DOCK4: variants seen among roughly 807,000 people sequenced by gnomAD.
DOCK4 encodes the protein dedicator of cytokinesis protein 4.
Under a neutral mutation model 268.1 loss-of-function variants are expected in DOCK4, and 97 were observed. That is an observed-to-expected ratio of 0.36 (90% CI 0.31 to 0.43). The LOEUF (loss-of-function observed/expected upper bound fraction) is 0.43. Among genes scored for constraint, DOCK4 ranks in the 20% least tolerant of loss-of-function variants. The pLI is 1.00. For synonymous variants in DOCK4, 954 were observed against 887.2 expected (o/e 1.08, Z -1.34); for missense variants, 2,145 against 2,455.7 (o/e 0.87, Z 2.67).
Position 111,739,147 on chromosome 7 carries a change from A to C in DOCK4, c.5219T>G (p.Val1740Gly). The change falls in exon 49 of 53, where the codon GTG (valine) becomes GGG (glycine). Residue 1740 changes from valine to glycine, a missense_variant. Val to Gly is a moderately radical substitution (Grantham distance 109). Coordinates refer to ENST00000428084, the MANE Select transcript of DOCK4 (RefSeq NM_001363540.2). The stretch of plus-strand genomic sequence containing the variant: ...TACAAGGAGTACCTGCGAAGGCTCC[A>C]CAGGTGTTGGATAGATGGCACTGCA... ...RPCSAIYPTP[V>G]EPSQRMLFNH... 1 of 1,612,918 alleles carries C rather than the reference A, an allele frequency of 6.2e-7. No homozygotes were observed. Among genetic ancestry groups the C allele is most frequent in the Non-Finnish European group, 8.5e-7 (1 of 1,178,894 alleles).
chr7:111,743,743 A>G (rs1239059923), intron 44 of DOCK4, among the ~76,000 whole-genome samples: 1 of 152,224 alleles, frequency 6.6e-6, no homozygotes, highest in African/African-American at 2.4e-5. Context: ...TGACAAGAAA[A>G]GAAGTTGAGC....
chr7:111,791,729 T>C (rs982894443), intron 30 of DOCK4, among the ~76,000 whole-genome samples: 1 of 152,166 alleles, frequency 6.6e-6, no homozygotes, highest in African/African-American at 2.4e-5. Flanking sequence ...ATTACAGGCA[T>C]GAGCTATCGC....
At chr7:112,203,797 A>G (rs1057038288) in intron 1 of DOCK4, among the ~76,000 whole-genome samples, 5 of 150,620 alleles carry the variant, frequency 3.3e-5, no homozygotes, top group African/African-American at 1.2e-4. Flanking sequence ...AATAAAGTCC[A>G]CACATAAGTA....
intron 44 of DOCK4, among the ~76,000 whole-genome samples, chr7:111,744,148 G>C (rs1196215815): frequency 1.3e-5 from 2 of 152,192 alleles, no homozygotes; most frequent in African/African-American, 4.8e-5. Flanking sequence ...TGCTTCCTCA[G>C]TATGGGATGT....
intron 1 of DOCK4, among the ~76,000 whole-genome samples, chr7:112,025,908 T>C (rs547073540): frequency 3.9e-5 from 6 of 152,148 alleles, no homozygotes; most frequent in Non-Finnish European, 7.4e-5. Context: ...TGGCTACTCC[T>C]ACACAAGCAT....
intron 16 of DOCK4, among the ~76,000 whole-genome samples, chr7:111,886,068 C>T (rs957243587): frequency 6.6e-6 from 1 of 151,928 alleles, no homozygotes; most frequent in African/African-American, 2.4e-5. Context: ...TTGAGTTATA[C>T]AAGATATATG....
intron 1 of DOCK4, among the ~76,000 whole-genome samples, chr7:112,059,595 T>C (rs921970490): frequency 4.4e-4 from 67 of 152,222 alleles, no homozygotes; most frequent in African/African-American, 1.5e-3. Flanking sequence ...CACCAACTCA[T>C]GACATGATAA....
At position 111,994,156 on chromosome 7, in the gene DOCK4, G is replaced by A; in HGVS notation, c.294C>T (p.Thr98=). 6.2e-7 allele frequency: 1 copy of A among 1,605,122 alleles called. No homozygotes were observed. The highest frequency in any genetic ancestry group is 1.1e-5 in the South Asian group (1 of 89,576). The change falls in exon 5 of 53, where the codon ACC becomes ACT. Residue 98 remains threonine, a synonymous_variant. Coordinates refer to ENST00000428084, the MANE Select transcript of DOCK4 (RefSeq NM_001363540.2). ...EMTSTLRDWG[T]MWKQLYVRNE... The stretch of plus-strand genomic sequence containing the variant: ...TAACCACATAGAGTTGTTTCCACAT[G>A]GTTCCCCAGTCTCTTAATGTTGATG...
intron 8 of DOCK4, among the ~76,000 whole-genome samples, chr7:111,972,884 AC>A (rs1307008437): frequency 6.6e-6 from 1 of 151,334 alleles, no homozygotes; most frequent in Non-Finnish European, 1.5e-5. Context: ...ATTTTGGTGC[AC>A]CCATCACCTG....
At chr7:111,840,376 A>G (rs1803584232) in intron 25 of DOCK4, among the ~76,000 whole-genome samples, 1 of 152,230 alleles carries the variant, frequency 6.6e-6, no homozygotes, top group African/African-American at 2.4e-5. Context: ...TATTTAACAG[A>G]GTTACGAACG....
At chr7:111,951,610 C>T (rs1346521593) in intron 8 of DOCK4, among the ~76,000 whole-genome samples, 1 of 148,720 alleles carries the variant, frequency 6.7e-6, no homozygotes, top group Non-Finnish European at 1.5e-5. Flanking sequence ...GAGTTCAAAA[C>T]CAACTTGGGT....
At chr7:112,154,235 G>A (rs1816387777) in intron 1 of DOCK4, among the ~76,000 whole-genome samples, 1 of 152,104 alleles carries the variant, frequency 6.6e-6, no homozygotes, top group South Asian at 2.1e-4. Context: ...GCCTCCCAAA[G>A]TGCTGGGACT....
chr7:111,898,632 C>T (rs1455509046), intron 15 of DOCK4, among the ~76,000 whole-genome samples: 2 of 152,164 alleles, frequency 1.3e-5, no homozygotes, highest in Non-Finnish European at 2.9e-5. Context: ...TCATGAATAA[C>T]TGATGTTTTT....
At chr7:112,194,166 G>A (rs926486836) in intron 1 of DOCK4, among the ~76,000 whole-genome samples, 3 of 152,104 alleles carry the variant, frequency 2.0e-5, no homozygotes, top group Non-Finnish European at 4.4e-5. Context: ...TTCTGTAATT[G>A]CTAAATAAAA....
intron 10 of DOCK4, among the ~76,000 whole-genome samples, 198 bp from the exon 11 acceptor site, chr7:111,940,440 G>T (rs1330370061): frequency 6.6e-6 from 1 of 152,180 alleles, no homozygotes; most frequent in Non-Finnish European, 1.5e-5. Flanking sequence ...CCTTGGGTAA[G>T]CAGCTTAAAT....
intron 1 of DOCK4, among the ~76,000 whole-genome samples, chr7:112,021,978 T>C (rs1802359925): frequency 6.6e-6 from 1 of 152,206 alleles, no homozygotes; most frequent in Admixed American, 6.5e-5. Flanking sequence ...TATGATTATT[T>C]ATGCTTCCGA....
In DOCK4 at chr7:112,060,268, T is replaced by C. The variant is rs747843844; in HGVS notation, c.38-56137A>G. On this transcript the variant is annotated intron_variant, in intron 1 of 52. Transcript: ENST00000428084. ...ATGCAAATCAAAACTACAATGAGAC[T>C]CCACCTCATACCCATTAGAATGGCT... 3.4e-4 allele frequency among the ~76,000 whole-genome samples: 52 copies of C among 152,078 alleles called. 1 individual carries two copies. The highest frequency in any genetic ancestry group is 6.9e-4 in the Non-Finnish European group (47 of 68,024).
chr7:112,039,038 C>A (rs1054600246), intron 1 of DOCK4, among the ~76,000 whole-genome samples: 7 of 152,120 alleles, frequency 4.6e-5, no homozygotes, highest in Non-Finnish European at 1.0e-4. Context: ...AAGTGAATAA[C>A]AGGAAAGGGA....
At chr7:112,126,629 A>G (rs1351131014) in intron 1 of DOCK4, among the ~76,000 whole-genome samples, 2 of 152,306 alleles carry the variant, frequency 1.3e-5, no homozygotes, top group East Asian at 1.9e-4. Context: ...GCAACCTACA[A>G]AATGGGAGAA....
Sources: allele counts gnomAD v4.1 joint callset (sites outside exome capture counted in the v4.1 genomes callset), GRCh38; gene constraint gnomAD v4.1.1; transcripts MANE v1.5; gene names NCBI Gene and HGNC (gene_info 2026-07-23, HGNC 2026-07-21).